The following ZNF423 variants were observed in gnomAD, a reference collection of about 807,000 sequenced individuals.
ZNF423 encodes zinc finger protein 423, also known as Ebf-associated zinc finger protein.
Under a neutral mutation model 95.8 loss-of-function variants are expected in ZNF423, and 12 were observed. The observed-to-expected ratio is 0.13, with a 90% CI of 0.08 to 0.20. The LOEUF is 0.20. ZNF423 is among the 10% of genes least tolerant of loss of function. The pLI, the probability that ZNF423 is intolerant of heterozygous loss-of-function variation, is 1.00. For synonymous variants in ZNF423, 749 were observed against 711.9 expected, an observed-to-expected ratio of 1.05 and a Z score of -0.83; for missense variants, 1,316 against 1,737.1, an observed-to-expected ratio of 0.76 and a Z score of 4.31.
chr16:49,727,664 T>C (rs1335817530), intron 3 of ZNF423, among the ~76,000 whole-genome samples: 2 of 152,184 alleles, frequency 1.3e-5, no homozygotes, highest in Admixed American at 6.5e-5. Flanking sequence ...GGGAGGCACG[T>C]GCTGCCTCCA....
intron 5 of ZNF423, 127 bp from the exon 6 acceptor site, chr16:49,525,621 G>T: frequency 7.4e-7 from 1 of 1,356,806 alleles, no homozygotes; most frequent in Non-Finnish European, 1.0e-6. Flanking sequence ...CTGGTGAAGG[G>T]ACTGCAGACA....
chr16:49,508,166 C>A (rs557364726), intron 7 of ZNF423, among the ~76,000 whole-genome samples: 1 of 152,092 alleles, frequency 6.6e-6, no homozygotes, highest in African/African-American at 2.4e-5. Flanking sequence ...AGAACAATGC[C>A]GGGCACTCAA....
upstream of ZNF423, among the ~76,000 whole-genome samples, chr16:49,859,031 G>T (rs183208346): frequency 4.6e-3 from 697 of 152,322 alleles, 8 homozygotes; most frequent in African/African-American, 0.016. Context: ...CAGGCTTTCT[G>T]GGGGGCTGGA....
At position 49,638,347 on chromosome 16, in the gene ZNF423, C is replaced by T. The variant is rs745876102; in HGVS notation, c.829G>A (p.Glu277Lys). 11 of 1,614,082 alleles carry T rather than the reference C, an allele frequency of 6.8e-6. No homozygotes were observed. Among genetic ancestry groups the T allele is most frequent in the Non-Finnish European group, 9.3e-6 (11 of 1,180,048 alleles). The change falls in exon 4 of 8, where the codon GAG becomes AAG. Residue 277 changes from glutamate to lysine, a missense_variant. This residue lies in a region of ZNF423 where 399 missense variants were observed against 478.5 expected (regional missense o/e 0.83). Coordinates refer to ENST00000563137, the MANE Select transcript of ZNF423 (RefSeq NM_001379286.1). This position sits in a 1 kb window ranked among gnomAD's most constrained non-coding sequence, Gnocchi z 5.6. ...TCCTCCGTCTGGCTGAAGGTGTCCTCGCAGTAGTCGCACATGAAGTCGTCC... is the reference window on the plus strand; with the variant it reads ...TCCTCCGTCTGGCTGAAGGTGTCCTTGCAGTAGTCGCACATGAAGTCGTCC... ...KKDDFMCDYC[E>K]DTFSQTEELE...
At chr16:49,854,622 C>A in intron 1 of ZNF423, 1 of 985,370 alleles carries the variant, frequency 1.0e-6, no homozygotes, top group African/African-American at 1.7e-5. Context: ...ATCTCACAGC[C>A]GAGCGCCCGG....
chr16:49,680,591 A>T (rs576584990), intron 3 of ZNF423, among the ~76,000 whole-genome samples: 15 of 152,266 alleles, frequency 9.9e-5, no homozygotes, highest in Admixed American at 2.6e-4. Flanking sequence ...GCTTCCGGAC[A>T]CCACTGCATT....
At chr16:49,529,735 A>C (rs1968768612) in intron 5 of ZNF423, among the ~76,000 whole-genome samples, 1 of 152,170 alleles carries the variant, frequency 6.6e-6, no homozygotes, top group East Asian at 1.9e-4. Context: ...ACTGATGTCA[A>C]AGGCAGGCCT....
At chr16:49,649,222 A>G (rs1476933839) in intron 3 of ZNF423, among the ~76,000 whole-genome samples, 1 of 152,214 alleles carries the variant, frequency 6.6e-6, no homozygotes, top group East Asian at 1.9e-4. Context: ...CATGAGCCAT[A>G]GTGGATGAGA....
chr16:49,715,435 T>C (rs1190394546), intron 3 of ZNF423, among the ~76,000 whole-genome samples: 1 of 152,152 alleles, frequency 6.6e-6, no homozygotes, highest in Non-Finnish European at 1.5e-5. Flanking sequence ...GCACGGCCTG[T>C]TGACGGCTCA....
At chr16:49,496,338 G>A (rs1228656565) in intron 7 of ZNF423, among the ~76,000 whole-genome samples, 1 of 152,208 alleles carries the variant, frequency 6.6e-6, no homozygotes, top group Non-Finnish European at 1.5e-5. Flanking sequence ...GTTGGAGGTG[G>A]GGCCTAGTGG....
intron 5 of ZNF423, among the ~76,000 whole-genome samples, chr16:49,555,257 G>GA (rs1320590707): frequency 6.6e-6 from 1 of 152,198 alleles, no homozygotes; most frequent in Non-Finnish European, 1.5e-5. Flanking sequence ...TTGCCACAAG[G>GA]AAGAAGCTGG....
chr16:49,585,336 C>T (rs1469892551), intron 5 of ZNF423, among the ~76,000 whole-genome samples: 1 of 152,162 alleles, frequency 6.6e-6, no homozygotes, highest in African/African-American at 2.4e-5. Context: ...TGAGGAGCAG[C>T]CCACACCTTC....
intron 7 of ZNF423, among the ~76,000 whole-genome samples, chr16:49,514,901 G>A (rs564873882): frequency 6.6e-5 from 10 of 152,300 alleles, no homozygotes; most frequent in East Asian, 3.9e-4. Flanking sequence ...ACACATACAC[G>A]CGCTGTGAAC....
intron 5 of ZNF423, among the ~76,000 whole-genome samples, chr16:49,583,234 T>G (rs2151804673): frequency 6.6e-6 from 1 of 151,782 alleles, no homozygotes; most frequent in Non-Finnish European, 1.5e-5. Flanking sequence ...CAATGGTGGG[T>G]TTTTTCATTT....
chr16:49,634,141 C>T (rs1240558380), intron 4 of ZNF423, among the ~76,000 whole-genome samples: 8 of 150,536 alleles, frequency 5.3e-5, no homozygotes, highest in African/African-American at 9.8e-5. Flanking sequence ...CTCCTGACCT[C>T]GTCATCCACC....
At chr16:49,758,258 C>A (rs1044789729) in intron 2 of ZNF423, among the ~76,000 whole-genome samples, 2 of 152,188 alleles carry the variant, frequency 1.3e-5, no homozygotes, top group African/African-American at 4.8e-5. Flanking sequence ...CCTGCCTCGG[C>A]CTCCCGAGTA....
intron 5 of ZNF423, among the ~76,000 whole-genome samples, chr16:49,569,934 C>T (rs189944404): frequency 3.2e-4 from 48 of 152,264 alleles, no homozygotes; most frequent in African/African-American, 1.1e-3. Flanking sequence ...GTGGCAGGGG[C>T]GTAAGCAACT....
intron 5 of ZNF423, among the ~76,000 whole-genome samples, chr16:49,598,633 A>G (rs1487988306): frequency 6.6e-6 from 1 of 152,216 alleles, no homozygotes; most frequent in Non-Finnish European, 1.5e-5. Flanking sequence ...CAGGAAACTG[A>G]GCAAGGGAGG....
chr16:49,762,321 G>T (rs1405255856), intron 2 of ZNF423, among the ~76,000 whole-genome samples: 1 of 152,194 alleles, frequency 6.6e-6, no homozygotes, highest in Non-Finnish European at 1.5e-5. Flanking sequence ...GAGGGCCTAA[G>T]CTCAGGCAGT....
Sources: gnomAD v4.1 joint callset for allele counts (sites outside exome capture counted in the v4.1 genomes callset) on GRCh38, gnomAD v4.1.1 for gene constraint, gnomAD v4.1.1 regional missense constraint, Gnocchi (gnomAD v3.1) non-coding constraint, MANE v1.5 for transcripts, NCBI Gene and HGNC (gene_info 2026-07-23, HGNC 2026-07-21) for gene names.